The following IARS1 variants were observed in gnomAD, a reference collection of about 807,000 sequenced individuals.
IARS1 encodes the protein isoleucine--tRNA ligase, cytoplasmic.
A neutral mutation model predicts 168.2 loss-of-function variants in IARS1; 124 were observed. That is an observed-to-expected ratio of 0.74 (90% CI 0.64 to 0.86). IARS1 has a LOEUF of 0.86. IARS1 is among the 40% of genes least tolerant of loss of function. The probability of loss-of-function intolerance (pLI) is 0.00; values close to 1 mark genes in which losing one functional copy is unlikely to be tolerated. For synonymous variants in IARS1, 532 were observed against 529.4 expected, an observed-to-expected ratio of 1.00 and a Z score of -0.07; for missense variants, 1,452 against 1,515.8, an observed-to-expected ratio of 0.96 and a Z score of 0.70.
Position 92,271,617 on chromosome 9 carries a change from C to T in IARS1, c.1029G>A (p.Arg343=), listed in dbSNP as rs147527261. The change falls in exon 11 of 34, where the codon CGG becomes CGA. Residue 343 remains arginine (R), a synonymous_variant. Coordinates refer to ENST00000443024, the MANE Select transcript of IARS1 (RefSeq NM_002161.6). ...YRVCMDFNII[R]KDSLPVCPVD... ...CAGGGCAAACAGGGAGTGAGTCTTT[C>T]CGAATAATGTTAAAGTCCATACAGA... 6.2e-7 allele frequency: 1 copy of T among 1,614,016 alleles called. No individual in the cohort carries two copies. Among genetic ancestry groups the T allele is most frequent in the Non-Finnish European group, 8.5e-7 (1 of 1,179,968 alleles).
intron 16 of IARS1, among the ~76,000 whole-genome samples, chr9:92,263,898 G>A (rs542425705): frequency 1.3e-5 from 2 of 152,154 alleles, no homozygotes; most frequent in South Asian, 4.1e-4. Context: ...TGTTCCTATA[G>A]ACAAAAAGGA....
At chr9:92,250,087 G>A (rs1564170978) in intron 24 of IARS1, 100 bp downstream of exon 24, 1 of 905,762 alleles carries the variant, frequency 1.1e-6, no homozygotes, top group Non-Finnish European at 1.8e-6. Flanking sequence ...TGCAGAAAAG[G>A]AAAAAGGCCA....
intron 30 of IARS1, among the ~76,000 whole-genome samples, chr9:92,231,601 T>C (rs866394582): frequency 1.5e-4 from 22 of 151,002 alleles, no homozygotes; most frequent in Non-Finnish European, 2.4e-4. Context: ...GTTTTTTTTT[T>C]TTTTTTAGTA....
intron 25 of IARS1, among the ~76,000 whole-genome samples, chr9:92,248,058 T>C (rs1829478926): frequency 6.6e-6 from 1 of 152,226 alleles, no homozygotes; most frequent in Non-Finnish European, 1.5e-5. Flanking sequence ...ATGCTTGTTA[T>C]GAAGATCTAT....
At chr9:92,238,317 T>C (rs1160493457) in intron 30 of IARS1, among the ~76,000 whole-genome samples, 4 of 152,184 alleles carry the variant, frequency 2.6e-5, no homozygotes, top group Admixed American at 6.5e-5. Context: ...AAGTGGGGCT[T>C]AGTGGGAGGT....
intron 1 of IARS1, 74 bp from the exon 2 acceptor site, chr9:92,289,500 G>A (rs1318806570): frequency 4.1e-6 from 3 of 738,206 alleles, no homozygotes; most frequent in Non-Finnish European, 7.4e-6. Flanking sequence ...TATTAACATG[G>A]GTGTACATGA....
intron 4 of IARS1, among the ~76,000 whole-genome samples, chr9:92,287,044 T>A (rs1012176776): frequency 1.2e-4 from 19 of 152,196 alleles, no homozygotes; most frequent in African/African-American, 4.3e-4. Flanking sequence ...TGACAGCACT[T>A]TAACCAAGTG....
In IARS1 at chr9:92,269,624, C is replaced by T. The variant is rs1301098671; in HGVS notation, c.1304+261G>A. Among the ~76,000 whole-genome samples the T allele has an allele frequency of 2.6e-5, 4 of 152,168 alleles. No individual in the cohort carries two copies. The South Asian group carries it at 6.2e-4, about 24-fold the overall frequency. ...TCCAAGGTCATTTCATTCCCTAAAT[C>T]GAATAAATGGTGGTTTATCATTTCC... On this transcript the variant is annotated intron_variant, in intron 13 of 33. Coordinates refer to ENST00000443024, the MANE Select transcript of IARS1 (RefSeq NM_002161.6).
intron 2 of IARS1, 61 bp downstream of exon 2, chr9:92,289,240 A>G (rs1835937428): frequency 1.5e-6 from 1 of 677,118 alleles, no homozygotes; most frequent in Non-Finnish European, 2.7e-6. Flanking sequence ...ATCTGCTTTA[A>G]TGGAATTCAG....
At chr9:92,223,279 T>C (rs370962208) in intron 32 of IARS1, 67 bp downstream of exon 32, 9 of 1,422,536 alleles carry the variant, frequency 6.3e-6, no homozygotes, top group East Asian at 2.3e-5. Context: ...TACACACATA[T>C]TTGAATATTA....
intron 32 of IARS1, 26 bp from the exon 33 acceptor site, chr9:92,222,698 T>G (rs1839844003): frequency 6.2e-7 from 1 of 1,612,174 alleles, no homozygotes; most frequent in African/African-American, 1.3e-5. Flanking sequence ...CAAACTGGAT[T>G]AAATCTCGAG....
At chr9:92,251,108 T>A (rs1390641700) in intron 22 of IARS1, 2 of 499,062 alleles carry the variant, frequency 4.0e-6, no homozygotes, top group Non-Finnish European at 7.8e-6. Flanking sequence ...ATCAGCCAAG[T>A]CAATATGCAC....
chr9:92,257,160 T>C (rs1176220544), intron 19 of IARS1, among the ~76,000 whole-genome samples: 1 of 152,226 alleles, frequency 6.6e-6, no homozygotes, highest in Non-Finnish European at 1.5e-5. Flanking sequence ...GATTGAATGA[T>C]TGTCCACAAA....
intron 20 of IARS1, among the ~76,000 whole-genome samples, chr9:92,254,741 A>AGCCC (rs1830485894): frequency 6.6e-6 from 1 of 152,210 alleles, no homozygotes; most frequent in African/African-American, 2.4e-5. Context: ...ACACAGGGGC[A>AGCCC]GCAGCAGCAG....
intron 31 of IARS1, among the ~76,000 whole-genome samples, chr9:92,226,852 G>C (rs1054362826): frequency 2.7e-5 from 4 of 146,766 alleles, no homozygotes; most frequent in African/African-American, 2.5e-5. Context: ...GTTTCTCGCA[G>C]AGGGGGATTT....
intron 24 of IARS1, 50 bp downstream of exon 24, chr9:92,250,137 C>G (rs1244024747): frequency 7.4e-6 from 9 of 1,217,750 alleles, no homozygotes; most frequent in Non-Finnish European, 1.1e-5. Flanking sequence ...ATTCCAAACA[C>G]TTAATTAATT....
At chr9:92,232,028 T>A (rs1826786778) in intron 30 of IARS1, among the ~76,000 whole-genome samples, 1 of 152,206 alleles carries the variant, frequency 6.6e-6, no homozygotes, top group African/African-American at 2.4e-5. Context: ...TGGGTGCCAG[T>A]ATCCATTACT....
chr9:92,282,839 C>T (rs962598532), intron 6 of IARS1, among the ~76,000 whole-genome samples: 24 of 142,254 alleles, frequency 1.7e-4, no homozygotes, highest in Admixed American at 4.2e-4. Context: ...CATACACACA[C>T]ATATATATAT....
chr9:92,280,751 AT>A lies in IARS1; in HGVS notation c.739del (p.Ile247LeufsTer12). 1 of 1,606,822 alleles carries A rather than the reference AT, an allele frequency of 6.2e-7. No individual in the cohort carries two copies. Among genetic ancestry groups the A allele is most frequent in the Non-Finnish European group, 8.5e-7 (1 of 1,176,322 alleles). ...GTAACCAGCCTCCCACTTACCTTTAATTTTCACATATTGCATTTCTGGATTA... is the reference window on the plus strand; with the variant it reads ...GTAACCAGCCTCCCACTTACCTTTAATTTCACATATTGCATTTCTGGATTA... The part of the protein sequence containing the change: ...CVNPEMQYVK[I>X]KDVARGRLLI... On this transcript the variant is annotated frameshift_variant, in exon 7 of 34. Transcript: ENST00000443024. LOFTEE classifies it high-confidence loss of function.
Sources: allele counts gnomAD v4.1 joint callset (sites outside exome capture counted in the v4.1 genomes callset), GRCh38; gene constraint gnomAD v4.1.1; transcripts MANE v1.5; gene names NCBI Gene and HGNC (gene_info 2026-07-23, HGNC 2026-07-21).